The following SGIP1 variants were observed in gnomAD, a reference collection of about 807,000 sequenced individuals.
SGIP1 encodes SH3-containing GRB2-like protein 3-interacting protein 1.
SGIP1 carries 38 observed loss-of-function variants against 107.5 expected under a neutral mutation model. The ratio of observed to expected loss-of-function variants is 0.35; its 90% CI spans 0.27 to 0.46. The LOEUF is 0.46. SGIP1 is among the 20% of genes least tolerant of loss of function. The probability of loss-of-function intolerance (pLI) is 1.00; values close to 1 mark genes in which losing one functional copy is unlikely to be tolerated. For missense variants in SGIP1, 929 were observed against 1,019.5 expected (o/e 0.91, Z 1.21); for synonymous variants, 365 against 366.1 (o/e 1.00, Z 0.03).
chr1:66,675,769 T>A (rs2085177076), intron 12 of SGIP1, among the ~76,000 whole-genome samples: 1 of 151,610 alleles, frequency 6.6e-6, no homozygotes, highest in African/African-American at 2.4e-5. Context: ...CCTGGACTCA[T>A]GTAATCCTCC....
At chr1:66,549,987 C>A (rs1172078770) in intron 1 of SGIP1, among the ~76,000 whole-genome samples, 3 of 152,098 alleles carry the variant, frequency 2.0e-5, no homozygotes, top group African/African-American at 7.2e-5. Flanking sequence ...AGGGAATTTT[C>A]CAAAAGAAAA....
rs564602213 is a variant in SGIP1, at chr1:66,681,927, G to T, written c.873G>T (p.Leu291Phe). ...KIEKLPSIND[L>F]DSIFGPVLSP... ...AAAAACTACCATCCATCAATGACTT[G>T]GACAGCATTTTTGGGCCAGTATTGT... Residue 291 changes from leucine to phenylalanine, a missense_variant, in exon 15 of 25, where the codon TTG becomes TTT. Physicochemically the swap from Leu to Phe is conservative, Grantham distance 22 (BLOSUM62 0). This residue lies in a region of SGIP1 where 588 missense variants were observed against 588.6 expected (regional missense o/e 1.00). Transcript: ENST00000371037. The T allele has an allele frequency of 6.8e-6, 11 of 1,614,042 alleles. No individual in the cohort carries two copies. In the East Asian group the frequency reaches 1.6e-4, roughly 23 times the overall value.
chr1:66,635,840 C>G, intron 3 of SGIP1, 104 bp from the exon 4 acceptor site: 1 of 1,226,766 alleles, frequency 8.2e-7, no homozygotes, highest in Non-Finnish European at 1.2e-6. Context: ...GAGATGGTTT[C>G]TTCTATGGTA....
At chr1:66,653,359 T>A (rs2079111473) in intron 7 of SGIP1, among the ~76,000 whole-genome samples, 1 of 152,112 alleles carries the variant, frequency 6.6e-6, no homozygotes, top group African/African-American at 2.4e-5. Flanking sequence ...ACATTTAAAA[T>A]CCACACCTTT....
At chr1:66,741,967 C>T (rs879347254) in intron 24 of SGIP1, among the ~76,000 whole-genome samples, 8 of 152,026 alleles carry the variant, frequency 5.3e-5, no homozygotes, top group Admixed American at 3.9e-4. Context: ...GGGGTTTCAC[C>T]GTGTTAGCCA....
intron 18 of SGIP1, chr1:66,704,370 A>C (rs2092305261): frequency 1.3e-5 from 2 of 152,132 alleles, no homozygotes; most frequent in African/African-American, 4.8e-5. Flanking sequence ...TGCCTCTACC[A>C]GAGCCCATTA....
chr1:66,684,089 A>G (rs1346938828), intron 15 of SGIP1: 1 of 1,550,322 alleles, frequency 6.5e-7, no homozygotes, highest in Admixed American at 2.0e-5. Flanking sequence ...AGATACTGTT[A>G]TCTTTCCCTT....
chr1:66,620,446 G>T (rs553921294), intron 1 of SGIP1, among the ~76,000 whole-genome samples: 1 of 152,186 alleles, frequency 6.6e-6, no homozygotes, highest in African/African-American at 2.4e-5. Context: ...TTGACTCACA[G>T]TTCCACATGG....
At chr1:66,544,579 A>T (rs1232026811) in intron 1 of SGIP1, among the ~76,000 whole-genome samples, 1 of 152,234 alleles carries the variant, frequency 6.6e-6, no homozygotes, top group African/African-American at 2.4e-5. Context: ...CTCCCAGCTA[A>T]TCATGAGGCT....
intron 8 of SGIP1, among the ~76,000 whole-genome samples, chr1:66,662,093 A>G (rs1023786962): frequency 6.6e-6 from 1 of 152,224 alleles, no homozygotes; most frequent in Non-Finnish European, 1.5e-5. Flanking sequence ...AACACCTACA[A>G]TAGTGTGGCA....
chr1:66,723,151 A>T (rs952847392), intron 19 of SGIP1, among the ~76,000 whole-genome samples: 2 of 152,174 alleles, frequency 1.3e-5, no homozygotes, highest in Non-Finnish European at 2.9e-5. Context: ...TCAAGGAAAC[A>T]ACTCAAGTTC....
chr1:66,707,281 A>ATCAGAAGATAT (rs2092593171), intron 18 of SGIP1, among the ~76,000 whole-genome samples: 1 of 152,178 alleles, frequency 6.6e-6, no homozygotes, highest in Non-Finnish European at 1.5e-5. Context: ...TCTTCAGTAT[A>ATCAGAAGATAT]ACCATCAGAA....
At chr1:66,716,881 G>A (rs1485483014) in intron 18 of SGIP1, among the ~76,000 whole-genome samples, 2 of 151,820 alleles carry the variant, frequency 1.3e-5, no homozygotes, top group Admixed American at 6.6e-5. Flanking sequence ...GCTTCCACAT[G>A]TCACCCTTCA....
chr1:66,646,006 A>G (rs541354465), intron 7 of SGIP1, among the ~76,000 whole-genome samples: 3 of 152,146 alleles, frequency 2.0e-5, no homozygotes, highest in African/African-American at 4.8e-5. Flanking sequence ...ATGCCTGGCT[A>G]CTTTTGGTAT....
intron 1 of SGIP1, among the ~76,000 whole-genome samples, chr1:66,543,591 C>A (rs1272662757): frequency 6.6e-6 from 1 of 152,170 alleles, no homozygotes; most frequent in East Asian, 1.9e-4. Context: ...TGCCAAGAGA[C>A]ACAAATGAAT....
rs1288350490 is a variant in SGIP1, at chr1:66,731,052, C to T, written c.1898+1633C>T. 2.6e-5 allele frequency among the ~76,000 whole-genome samples: 4 copies of T among 152,172 alleles called. No homozygotes were observed. The East Asian group carries it at 5.8e-4, about 22-fold the overall frequency. ...AAAACCGTAATTCCTTTTGTGCCAA[C>T]GTAATAAATTCTGTCCCCTTGTTAT... On this transcript the variant is annotated intron_variant, in intron 20 of 24. Coordinates refer to ENST00000371037, the MANE Select transcript of SGIP1 (RefSeq NM_032291.4).
chr1:66,695,218 C>T, intron 17 of SGIP1: 5 of 900,328 alleles, frequency 5.6e-6, no homozygotes, highest in Non-Finnish European at 3.1e-6. Context: ...TTCCTTTAGG[C>T]CTCCATAGCT....
At chr1:66,542,752 A>T (rs2055302282) in intron 1 of SGIP1, among the ~76,000 whole-genome samples, 1 of 152,176 alleles carries the variant, frequency 6.6e-6, no homozygotes, top group East Asian at 1.9e-4. Context: ...AGAAAATGAA[A>T]CCTTGGATAA....
At chr1:66,574,985 T>A (rs1557938210) in intron 1 of SGIP1, among the ~76,000 whole-genome samples, 1 of 152,224 alleles carries the variant, frequency 6.6e-6, no homozygotes, top group East Asian at 1.9e-4. Context: ...AAAATAGATT[T>A]AACCTTATAC....
Sources: gnomAD v4.1 joint callset for allele counts (sites outside exome capture counted in the v4.1 genomes callset) on GRCh38, gnomAD v4.1.1 for gene constraint, gnomAD v4.1.1 regional missense constraint, MANE v1.5 for transcripts, NCBI Gene and HGNC (gene_info 2026-07-23, HGNC 2026-07-21) for gene names.